Variants in NBEA observed in about 807,000 individuals in gnomAD.
The protein encoded by NBEA is neurobeachin.
Under a neutral mutation model 343.4 loss-of-function variants are expected in NBEA, and 44 were observed. The ratio of observed to expected loss-of-function variants is 0.13; its 90% CI spans 0.10 to 0.16. The LOEUF (loss-of-function observed/expected upper bound fraction) is 0.16, where lower values mean the gene tolerates loss of function less well. Among genes scored for constraint, NBEA ranks in the 10% least tolerant of loss-of-function variants. The pLI is 1.00. For missense variants in NBEA, 2,555 were observed against 3,631.3 expected (o/e 0.70, Z 7.62); for synonymous variants, 1,175 against 1,238.7 (o/e 0.95, Z 1.08).
chr13:35,099,086 C>T (rs1188477357), intron 11 of NBEA, among the ~76,000 whole-genome samples: 1 of 146,948 alleles, frequency 6.8e-6, no homozygotes. Context: ...AGTGCAGTGG[C>T]ATGATCTTGG....
At chr13:35,546,159 A>T (rs1006025812) in intron 41 of NBEA, among the ~76,000 whole-genome samples, 2 of 152,200 alleles carry the variant, frequency 1.3e-5, no homozygotes, top group African/African-American at 4.8e-5. Flanking sequence ...TGTCACAGGG[A>T]GGGGACAGAC....
chr13:35,411,450 G>A (rs1264181054), intron 38 of NBEA, among the ~76,000 whole-genome samples: 1 of 146,946 alleles, frequency 6.8e-6, no homozygotes, highest in Non-Finnish European at 1.5e-5. Context: ...CTTCAACACT[G>A]TCTTGTCTCT....
At chr13:35,516,285 C>G (rs2077484341) in intron 41 of NBEA, among the ~76,000 whole-genome samples, 1 of 151,952 alleles carries the variant, frequency 6.6e-6, no homozygotes, top group South Asian at 2.1e-4. Flanking sequence ...AATTGAGACC[C>G]ATGCAAGGCT....
chr13:35,005,326 G>A (rs1445875285), intron 1 of NBEA, among the ~76,000 whole-genome samples: 8 of 151,812 alleles, frequency 5.3e-5, no homozygotes, highest in Non-Finnish European at 1.0e-4. Flanking sequence ...AAAGCTTGTG[G>A]TTCCTTCTCT....
intron 1 of NBEA, among the ~76,000 whole-genome samples, chr13:35,022,025 T>C (rs191770757): frequency 6.6e-6 from 1 of 152,260 alleles, no homozygotes; most frequent in African/African-American, 2.4e-5. Context: ...AATTCTGTCT[T>C]GTAGTTGGCT....
chr13:35,123,436 T>G, intron 16 of NBEA, 46 bp from the exon 17 acceptor site: 1 of 1,158,404 alleles, frequency 8.6e-7, no homozygotes. Flanking sequence ...GTGTTTTTGT[T>G]TTTAATATTA....
At chr13:34,993,478 G>T (rs940347516) in intron 1 of NBEA, among the ~76,000 whole-genome samples, 2 of 152,126 alleles carry the variant, frequency 1.3e-5, no homozygotes, top group Admixed American at 6.5e-5. Context: ...AATGCTGGAA[G>T]GAATAAATCC....
At chr13:34,956,272 A>T (rs2059487124) in intron 1 of NBEA, among the ~76,000 whole-genome samples, 1 of 152,106 alleles carries the variant, frequency 6.6e-6, no homozygotes, top group Admixed American at 6.5e-5. Flanking sequence ...GAGGTGAATG[A>T]TGATTAACTT....
At chr13:35,440,238 TG>T (rs2045664070) in intron 39 of NBEA, among the ~76,000 whole-genome samples, 1 of 152,166 alleles carries the variant, frequency 6.6e-6, no homozygotes, top group African/African-American at 2.4e-5. Context: ...TTCATCACTT[TG>T]GGTAACAACA....
chr13:35,232,731 C>T lies in NBEA; in HGVS notation c.5776+112C>T, dbSNP rs2075040833. ...TTTCCAAAAGAATGTAAAGGCATTA[C>T]TTCACAAATTCTAATAAGATATTCA... On this transcript the variant is annotated intron_variant, in intron 34 of 58. Coordinates refer to ENST00000379939, the MANE Select transcript of NBEA (RefSeq NM_001385012.1). 7.6e-6 allele frequency: 6 copies of T among 787,438 alleles called. No homozygotes were observed. The Admixed American group carries it at 1.2e-4, about 16-fold the overall frequency. The allele number at this position is 787,438 out of a possible 1,614,324, so 48.8% of individuals were successfully genotyped here.
intron 36 of NBEA, among the ~76,000 whole-genome samples, chr13:35,335,119 T>C (rs957731071): frequency 1.3e-5 from 2 of 152,106 alleles, no homozygotes; most frequent in East Asian, 1.9e-4. Context: ...ATTGTCTTTC[T>C]TTGGCACCTT....
At chr13:35,005,262 GAGGC>G (rs2061280508) in intron 1 of NBEA, among the ~76,000 whole-genome samples, 1 of 150,122 alleles carries the variant, frequency 6.7e-6, no homozygotes, top group Non-Finnish European at 1.5e-5. Context: ...GTTTCCCTCT[GAGGC>G]AAAGGTTGGA....
intron 35 of NBEA, among the ~76,000 whole-genome samples, chr13:35,291,516 C>T (rs1448466493): frequency 6.6e-6 from 1 of 151,860 alleles, no homozygotes; most frequent in Non-Finnish European, 1.5e-5. Context: ...AAAACAACAT[C>T]CCTGTGAGGA....
chr13:35,491,306 A>G (rs1594795704), intron 41 of NBEA, among the ~76,000 whole-genome samples: 1 of 152,086 alleles, frequency 6.6e-6, no homozygotes, highest in East Asian at 1.9e-4. Flanking sequence ...ATACTCGCCA[A>G]TATAATATGT....
chr13:34,992,316 A>C (rs899632226), intron 1 of NBEA, among the ~76,000 whole-genome samples: 6 of 147,340 alleles, frequency 4.1e-5, no homozygotes, highest in South Asian at 2.2e-4. Flanking sequence ...GTGCAGTGGC[A>C]TGATCTCGGC....
At chr13:35,645,810 G>T in intron 49 of NBEA, 59 bp from the exon 50 acceptor site, 1 of 1,089,790 alleles carries the variant, frequency 9.2e-7, no homozygotes, top group African/African-American at 1.6e-5. Flanking sequence ...ATAACTTTCT[G>T]AATTTTATTT....
intron 11 of NBEA, among the ~76,000 whole-genome samples, 163 bp from the exon 12 acceptor site, chr13:35,109,127 T>C (rs1265918344): frequency 6.6e-6 from 1 of 152,140 alleles, no homozygotes; most frequent in Non-Finnish European, 1.5e-5. Flanking sequence ...GCTGAAATTT[T>C]AGATCTCTTA....
chr13:35,490,234 G>A (rs1267361182), intron 41 of NBEA, among the ~76,000 whole-genome samples: 1 of 151,904 alleles, frequency 6.6e-6, no homozygotes, highest in African/African-American at 2.4e-5. Context: ...AGTTTTATAA[G>A]CTATGTCCTA....
chr13:35,357,379 A>G (rs2040550957), intron 38 of NBEA, among the ~76,000 whole-genome samples: 1 of 151,694 alleles, frequency 6.6e-6, no homozygotes, highest in Admixed American at 6.6e-5. Context: ...TTTGTTATAT[A>G]GATTATTTCA....
Sources: gnomAD v4.1 joint callset for allele counts (sites outside exome capture counted in the v4.1 genomes callset) on GRCh38, gnomAD v4.1.1 for gene constraint, MANE v1.5 for transcripts, NCBI Gene and HGNC (gene_info 2026-07-23, HGNC 2026-07-21) for gene names.